The following CNBD1 variants were observed in gnomAD, a reference collection of about 807,000 sequenced individuals.
CNBD1 encodes cyclic nucleotide binding domain containing 1, also known as cyclic nucleotide-binding domain-containing protein 1.
A neutral mutation model predicts 54.4 loss-of-function variants in CNBD1; 71 were observed. The ratio of observed to expected loss-of-function variants is 1.30; its 90% CI spans 1.08 to 1.59. The LOEUF (loss-of-function observed/expected upper bound fraction) is 1.59, where lower values mean the gene tolerates loss of function less well. Ranked by LOEUF, CNBD1 falls within the 40% of genes most tolerant of loss-of-function variation. The pLI is 0.00. For synonymous variants in CNBD1, 182 were observed against 170.7 expected (o/e 1.07, Z -0.51); for missense variants, 659 against 518.0 (o/e 1.27, Z -2.64).
intron 5 of CNBD1, among the ~76,000 whole-genome samples, chr8:87,228,949 G>A (rs1030803531): frequency 2.6e-5 from 4 of 152,184 alleles, no homozygotes; most frequent in South Asian, 2.1e-4. Context: ...ATGGTGCGCC[G>A]TTTTTTAAGC....
intron 1 of CNBD1, among the ~76,000 whole-genome samples, chr8:86,879,612 C>A (rs1808573532): frequency 6.6e-6 from 1 of 152,168 alleles, no homozygotes. Flanking sequence ...TGGCTCATGC[C>A]TGTAATTCCA....
At chr8:86,957,041 G>A (rs148779930) in intron 4 of CNBD1, among the ~76,000 whole-genome samples, 1 of 152,006 alleles carries the variant, frequency 6.6e-6, no homozygotes, top group Non-Finnish European at 1.5e-5. Flanking sequence ...TAGCATGAAG[G>A]GCTGTTGAAT....
At chr8:87,192,865 C>G (rs1813641869) in intron 4 of CNBD1, among the ~76,000 whole-genome samples, 1 of 152,116 alleles carries the variant, frequency 6.6e-6, no homozygotes, top group Non-Finnish European at 1.5e-5. Flanking sequence ...ACAAGGTGCT[C>G]TGTGTCTGTA....
At chr8:86,989,479 C>G (rs1341193625) in intron 4 of CNBD1, among the ~76,000 whole-genome samples, 2 of 151,956 alleles carry the variant, frequency 1.3e-5, no homozygotes, top group South Asian at 2.1e-4. Flanking sequence ...CAGATGGAGT[C>G]TCGCTCTGTT....
chr8:87,258,506 C>A (rs1283861557), intron 6 of CNBD1, among the ~76,000 whole-genome samples: 1 of 151,798 alleles, frequency 6.6e-6, no homozygotes, highest in Non-Finnish European at 1.5e-5. Context: ...TCACTGCAAC[C>A]ACTGCAACTC....
At chr8:87,268,865 T>C (rs533357275) in intron 6 of CNBD1, among the ~76,000 whole-genome samples, 1 of 152,254 alleles carries the variant, frequency 6.6e-6, no homozygotes. Flanking sequence ...TCTCACATTC[T>C]GTATGTTGTC....
intron 4 of CNBD1, among the ~76,000 whole-genome samples, chr8:87,010,584 C>T (rs895323615): frequency 1.3e-5 from 2 of 152,030 alleles, no homozygotes; most frequent in Non-Finnish European, 2.9e-5. Context: ...CCTATCTCTA[C>T]TAAAAATACA....
chr8:86,877,682 C>G (rs891173760), intron 1 of CNBD1, among the ~76,000 whole-genome samples: 1 of 152,134 alleles, frequency 6.6e-6, no homozygotes, highest in African/African-American at 2.4e-5. Context: ...ATCATGATTT[C>G]TCTTTGCCTT....
chr8:86,990,315 G>A (rs1054296877), intron 4 of CNBD1, among the ~76,000 whole-genome samples: 6 of 152,110 alleles, frequency 3.9e-5, no homozygotes, highest in African/African-American at 1.4e-4. Flanking sequence ...TCCTGTAGTA[G>A]TTCCATGGTT....
At chr8:87,228,499 G>C (rs534226114) in intron 5 of CNBD1, among the ~76,000 whole-genome samples, 1,555 of 143,056 alleles carry the variant, frequency 0.011, 43 homozygotes, top group South Asian at 0.024. Context: ...AGTACCCTGC[G>C]GTGTGAGGTG....
At chr8:87,426,026 C>T (rs527449319) in intron 2 of CNBD1, among the ~76,000 whole-genome samples, 2 of 152,294 alleles carry the variant, frequency 1.3e-5, no homozygotes, top group South Asian at 2.1e-4. Context: ...CGTGGTGCAC[C>T]GTTTTTTAAG....
chr8:87,291,167 T>C (rs1808777989), intron 8 of CNBD1, among the ~76,000 whole-genome samples: 1 of 152,198 alleles, frequency 6.6e-6, no homozygotes, highest in African/African-American at 2.4e-5. Flanking sequence ...ATCTGGGCCA[T>C]ACCTATATCT....
intron 5 of CNBD1, among the ~76,000 whole-genome samples, chr8:87,226,610 T>G (rs2130814978): frequency 6.7e-6 from 1 of 150,118 alleles, no homozygotes; most frequent in African/African-American, 2.5e-5. Flanking sequence ...GAGAGATAGT[T>G]TGTTGTAATT....
chr8:87,122,633 T>C (rs1472302219), intron 4 of CNBD1, among the ~76,000 whole-genome samples: 2 of 151,860 alleles, frequency 1.3e-5, no homozygotes. Flanking sequence ...CATTTAGCAT[T>C]CCAGGCCAAT....
chr8:86,930,424 G>T (rs1167240141), intron 3 of CNBD1, among the ~76,000 whole-genome samples: 1 of 152,160 alleles, frequency 6.6e-6, no homozygotes, highest in Non-Finnish European at 1.5e-5. Flanking sequence ...TGAAGGACCA[G>T]AGTGCCTGGA....
At chr8:87,231,133 C>G (rs1399002085) in intron 5 of CNBD1, among the ~76,000 whole-genome samples, 1 of 151,988 alleles carries the variant, frequency 6.6e-6, no homozygotes, top group Non-Finnish European at 1.5e-5. Flanking sequence ...AAATCTCTTT[C>G]TAGACTTGTT....
intron 4 of CNBD1, among the ~76,000 whole-genome samples, chr8:87,119,034 C>G (rs1811837667): frequency 1.3e-5 from 2 of 152,140 alleles, no homozygotes; most frequent in Admixed American, 1.3e-4. Flanking sequence ...GTATTCAGCA[C>G]CTACTGTATG....
chr8:87,156,474 C>T (rs1812745006), intron 4 of CNBD1, among the ~76,000 whole-genome samples: 1 of 140,846 alleles, frequency 7.1e-6, no homozygotes, highest in East Asian at 2.1e-4. Flanking sequence ...CAACCCCTGA[C>T]CTCAAGTGAT....
At chr8:86,976,499 G>C (rs943982294) in intron 4 of CNBD1, among the ~76,000 whole-genome samples, 1 of 151,760 alleles carries the variant, frequency 6.6e-6, no homozygotes, top group Non-Finnish European at 1.5e-5. Flanking sequence ...CTTTCTCCAA[G>C]ATTGCTTTGG....
Sources: gnomAD v4.1 joint callset for allele counts (sites outside exome capture counted in the v4.1 genomes callset) on GRCh38, gnomAD v4.1.1 for gene constraint, MANE v1.5 for transcripts, NCBI Gene and HGNC (gene_info 2026-07-23, HGNC 2026-07-21) for gene names.